COL27A1: variants seen among roughly 807,000 people sequenced by gnomAD.
COL27A1 encodes collagen alpha-1(XXVII) chain.
In COL27A1, 106 loss-of-function variants were observed where a neutral mutation model predicts 251.3. That is an observed-to-expected ratio of 0.42 (90% CI 0.36 to 0.50). The LOEUF (loss-of-function observed/expected upper bound fraction) is 0.50, where lower values mean the gene tolerates loss of function less well. Ranked by LOEUF, COL27A1 falls within the 20% of genes least tolerant of loss-of-function variation. The pLI, the probability that COL27A1 is intolerant of heterozygous loss-of-function variation, is 0.00. For synonymous variants in COL27A1, 1,000 were observed against 986.3 expected (o/e 1.01, Z -0.26); for missense variants, 2,325 against 2,522.8 (o/e 0.92, Z 1.68).
intron 32 of COL27A1, among the ~76,000 whole-genome samples, chr9:114,265,957 G>A (rs1210907846): frequency 6.6e-6 from 1 of 152,178 alleles, no homozygotes; most frequent in Non-Finnish European, 1.5e-5. Flanking sequence ...ACCATGGAAG[G>A]GCTTGAAGCA....
In COL27A1 at chr9:114,243,554, C is replaced by G. The variant is rs149117643; in HGVS notation, c.2928C>G (p.Gly976=). 3.7e-6 allele frequency: 6 copies of G among 1,612,896 alleles called. No homozygotes were observed. In the South Asian group the frequency reaches 6.6e-5, roughly 18 times the overall value. ...TTCCTGGGAGGCCCGGCCTGGATGG[C>G]GTGAAGGTGAGGGGACCTGGAGATC... is the stretch of plus-strand genomic sequence containing the variant. ...KGFPGRPGLD[G]VKGEPGDPGR... The change falls in exon 23 of 61, where the codon GGC becomes GGG. Residue 976 remains glycine, a synonymous_variant. Coordinates refer to ENST00000356083, the MANE Select transcript of COL27A1 (RefSeq NM_032888.4).
At chr9:114,218,126 C>T (rs1320874422) in intron 12 of COL27A1, 5 of 241,874 alleles carry the variant, frequency 2.1e-5, no homozygotes, top group Non-Finnish European at 2.5e-5. Flanking sequence ...AAAGAAGGAT[C>T]CCCTGGACAC....
At chr9:114,179,989 C>G (rs1254554641) in intron 4 of COL27A1, among the ~76,000 whole-genome samples, 1 of 152,034 alleles carries the variant, frequency 6.6e-6, no homozygotes, top group Non-Finnish European at 1.5e-5. Flanking sequence ...CAAGCACACG[C>G]CCCCGGGCCC....
chr9:114,187,590 C>T (rs568307791), intron 5 of COL27A1, among the ~76,000 whole-genome samples: 13 of 152,350 alleles, frequency 8.5e-5, no homozygotes, highest in African/African-American at 3.1e-4. Flanking sequence ...TCAATCTAGC[C>T]CTCAGCTCCA....
chr9:114,272,607 G>A (rs1453742605), intron 36 of COL27A1: 1 of 152,214 alleles, frequency 6.6e-6, no homozygotes, highest in Non-Finnish European at 1.5e-5. Flanking sequence ...CTTCGCTGAT[G>A]TCCAGCTGAC....
intron 33 of COL27A1, 59 bp downstream of exon 33, chr9:114,266,677 C>T (rs1435378151): frequency 2.1e-5 from 30 of 1,460,898 alleles, no homozygotes; most frequent in East Asian, 6.8e-5. Context: ...TCAGCCCTTC[C>T]CTTCCCTCCT....
At chr9:114,163,415 A>AG (rs34666325) in intron 2 of COL27A1, among the ~76,000 whole-genome samples, 1 of 151,710 alleles carries the variant, frequency 6.6e-6, no homozygotes, top group East Asian at 1.9e-4. Context: ...AAAAAAAAAA[A>AG]AAGGCATTAA....
intron 59 of COL27A1, 83 bp from the exon 60 acceptor site, chr9:114,309,176 TC>T (rs1564596792): frequency 1.8e-6 from 2 of 1,091,126 alleles, no homozygotes; most frequent in African/African-American, 3.1e-5. Context: ...CTATCCCTGT[TC>T]CCTCCATAGA....
At chr9:114,238,346 C>T (rs1832535472) in intron 19 of COL27A1, among the ~76,000 whole-genome samples, 1 of 152,130 alleles carries the variant, frequency 6.6e-6, no homozygotes, top group Non-Finnish European at 1.5e-5. Flanking sequence ...TTTTTGACGC[C>T]CCCGTCTTTA....
At position 114,267,258 on chromosome 9, in the gene COL27A1, C is replaced by T. The variant is rs148332744; in HGVS notation, c.3448-246C>T. ...AGGGCTCCTAGTGTGGTAAACCACA[C>T]TTGTGGGGCGGGAGAAGGCTCTAGA... On this transcript the variant is annotated intron_variant, in intron 33 of 60. Coordinates refer to ENST00000356083, the MANE Select transcript of COL27A1 (RefSeq NM_032888.4). Among the ~76,000 whole-genome samples the T allele has an allele frequency of 2.2e-3, 328 of 152,304 alleles. 2 individuals are homozygous for T. Among genetic ancestry groups the T allele is most frequent in the African/African-American group, 7.7e-3 (319 of 41,568 alleles).
intron 4 of COL27A1, among the ~76,000 whole-genome samples, chr9:114,181,625 C>A (rs1319100104): frequency 3.9e-5 from 6 of 152,162 alleles, no homozygotes; most frequent in Non-Finnish European, 7.3e-5. Flanking sequence ...TCCTGCTAGA[C>A]AAAAACCCTC....
rs1827840816 is a variant in COL27A1 at position 114,290,482 on chromosome 9, C to T, written c.4368+151C>T. 2 of 727,048 alleles carry T rather than the reference C, an allele frequency of 2.8e-6. No individual in the cohort carries two copies. The highest frequency in any genetic ancestry group is 4.8e-6 in the Non-Finnish European group (2 of 420,980). The allele number at this position is 727,048 out of a possible 1,614,324, so 45.0% of individuals were successfully genotyped here. A position where few individuals can be genotyped will look rare whatever the true frequency, so the allele number is the denominator to read the frequency against. On this transcript the variant is annotated intron_variant, in intron 47 of 60. Coordinates refer to ENST00000356083, the MANE Select transcript of COL27A1 (RefSeq NM_032888.4). The surrounding 1 kb of genome is among the most constrained non-coding windows in gnomAD (Gnocchi z 4.6). ...AGTTCTCTGGGGTGGGCAACCATCTCCTCCCCTGGCACCTGGGAGTGTGGA... is the reference window on the plus strand; with the variant it reads ...AGTTCTCTGGGGTGGGCAACCATCTTCTCCCCTGGCACCTGGGAGTGTGGA...
intron 41 of COL27A1, among the ~76,000 whole-genome samples, chr9:114,287,151 C>G (rs1476628294): frequency 1.3e-5 from 2 of 152,194 alleles, no homozygotes; most frequent in African/African-American, 4.8e-5. Flanking sequence ...CAGCCTCCAC[C>G]CACCAGAACC....
chr9:114,302,841 G>C, intron 56 of COL27A1, among the ~76,000 whole-genome samples: 1 of 151,702 alleles, frequency 6.6e-6, no homozygotes, highest in Non-Finnish European at 1.5e-5. Context: ...CAAGCCCTAT[G>C]ACGAGTCCAT....
At chr9:114,233,823 CA>C (rs999724826) in intron 16 of COL27A1, among the ~76,000 whole-genome samples, 14 of 152,020 alleles carry the variant, frequency 9.2e-5, no homozygotes, top group Non-Finnish European at 1.9e-4. Context: ...TTAGGAAAAT[CA>C]AATGTCTTTA....
intron 44 of COL27A1, 22 bp from the exon 45 acceptor site, chr9:114,289,220 G>A (rs758579646): frequency 1.8e-5 from 28 of 1,578,524 alleles, no homozygotes; most frequent in Middle Eastern, 3.4e-4. Context: ...GCTGCCTTGC[G>A]TCATCTCACC....
chr9:114,253,294 A>C (rs1304456744), intron 27 of COL27A1, among the ~76,000 whole-genome samples: 2 of 138,448 alleles, frequency 1.4e-5, no homozygotes, highest in African/African-American at 5.6e-5. Flanking sequence ...AGAGACAGAG[A>C]AAAAGAAAGA....
At chr9:114,187,141 G>A (rs904956837) in intron 5 of COL27A1, among the ~76,000 whole-genome samples, 4 of 152,266 alleles carry the variant, frequency 2.6e-5, no homozygotes, top group Non-Finnish European at 5.9e-5. Context: ...CAGAGCTAGT[G>A]TGAGCTTTAC....
At chr9:114,298,916 C>G (rs1034565995) in intron 49 of COL27A1, among the ~76,000 whole-genome samples, 1 of 152,070 alleles carries the variant, frequency 6.6e-6, no homozygotes, top group African/African-American at 2.4e-5. Context: ...ATATAAAGAA[C>G]CCTTACAACT....
Sources: gnomAD v4.1 joint callset for allele counts (sites outside exome capture counted in the v4.1 genomes callset) on GRCh38, gnomAD v4.1.1 for gene constraint, Gnocchi (gnomAD v3.1) non-coding constraint, MANE v1.5 for transcripts, NCBI Gene and HGNC (gene_info 2026-07-23, HGNC 2026-07-21) for gene names.